Variants in CTBP2 observed in about 807,000 individuals in gnomAD.
The protein encoded by CTBP2 is C-terminal-binding protein 2.
A neutral mutation model predicts 80.3 loss-of-function variants in CTBP2; 30 were observed. That is an observed-to-expected ratio of 0.37 (90% CI 0.28 to 0.51). The LOEUF (loss-of-function observed/expected upper bound fraction) is 0.51. Among genes scored for constraint, CTBP2 ranks in the 20% least tolerant of loss-of-function variants. The probability of loss-of-function intolerance (pLI) is 0.93; values close to 1 mark genes in which losing one functional copy is unlikely to be tolerated. For missense variants in CTBP2, 1,212 were observed against 1,375.3 expected, an observed-to-expected ratio of 0.88 and a Z score of 1.88; for synonymous variants, 594 against 587.4, an observed-to-expected ratio of 1.01 and a Z score of -0.16.
intron 2 of CTBP2, among the ~76,000 whole-genome samples, chr10:125,040,490 C>G (rs1959361316): frequency 7.1e-6 from 1 of 140,272 alleles, no homozygotes; most frequent in Admixed American, 7.2e-5. Context: ...TGGCTTGAAT[C>G]TCAACTGGGA....
intron 1 of CTBP2, among the ~76,000 whole-genome samples, chr10:125,151,479 T>C: frequency 6.6e-6 from 1 of 152,152 alleles, no homozygotes; most frequent in East Asian, 1.9e-4. Context: ...TCGAAGGTTA[T>C]CCAAGAACCG....
At position 125,056,178 on chromosome 10, in the gene CTBP2, AT is replaced by A. The variant is rs1387954839; in HGVS notation, c.-101-17024del. Among the ~76,000 whole-genome samples the A allele has an allele frequency of 2.5e-3, 363 of 146,390 alleles. 3 individuals carry two copies. Among genetic ancestry groups the A allele is most frequent in the African/African-American group, 9.0e-3 (339 of 37,820 alleles). ...AGATTGTGTCTCAAAAATAAAAATAATAATAATAATAATAATAGTAATAATA... is the reference window on the plus strand; with the variant it reads ...AGATTGTGTCTCAAAAATAAAAATAAAATAATAATAATAATAGTAATAATA... On this transcript the variant is annotated intron_variant, in intron 2 of 10. Coordinates refer to the CTBP2 transcript ENST00000337195.
At chr10:125,143,299 C>A (rs1307481176) in intron 1 of CTBP2, among the ~76,000 whole-genome samples, 1 of 152,138 alleles carries the variant, frequency 6.6e-6, no homozygotes, top group African/African-American at 2.4e-5. Flanking sequence ...ACCAGCCTGA[C>A]CAACATGGTG....
At chr10:125,004,846 G>A (rs189874466) in intron 1 of CTBP2, among the ~76,000 whole-genome samples, 15 of 152,314 alleles carry the variant, frequency 9.8e-5, no homozygotes, top group Admixed American at 2.0e-4. Flanking sequence ...CAAGGCAGCA[G>A]GCTCAGGGTC....
intron 2 of CTBP2, among the ~76,000 whole-genome samples, chr10:125,060,590 G>A (rs1051956178): frequency 3.9e-5 from 6 of 152,094 alleles, no homozygotes; most frequent in Admixed American, 6.5e-5. Flanking sequence ...GAATGGCAAT[G>A]CTCATCCCCA....
At chr10:125,021,385 G>A (rs931249305) in intron 1 of CTBP2, among the ~76,000 whole-genome samples, 7 of 152,262 alleles carry the variant, frequency 4.6e-5, no homozygotes, top group Admixed American at 2.6e-4. Context: ...TTCGGGCCAT[G>A]CATTCAACTA....
intron 2 of CTBP2, among the ~76,000 whole-genome samples, chr10:125,041,360 G>C (rs1429131444): frequency 1.3e-5 from 2 of 152,212 alleles, no homozygotes; most frequent in African/African-American, 4.8e-5. Context: ...TGGGATTACA[G>C]GTGTGAGCCA....
intron 2 of CTBP2, among the ~76,000 whole-genome samples, chr10:125,097,065 T>A (rs1410895838): frequency 6.6e-6 from 1 of 152,252 alleles, no homozygotes; most frequent in African/African-American, 2.4e-5. Context: ...TATATTACCA[T>A]AAGCTGGCAC....
chr10:125,094,525 C>T (rs1255513474), intron 2 of CTBP2, among the ~76,000 whole-genome samples: 1 of 152,208 alleles, frequency 6.6e-6, no homozygotes, highest in African/African-American at 2.4e-5. Context: ...CCGTGCCAAG[C>T]ACGGTATGGC....
At chr10:125,143,368 C>T (rs1229166694) in intron 1 of CTBP2, among the ~76,000 whole-genome samples, 2 of 152,160 alleles carry the variant, frequency 1.3e-5, no homozygotes, top group Non-Finnish European at 2.9e-5. Flanking sequence ...ATCCCACCTA[C>T]TCAGGAGGCT....
intron 2 of CTBP2, among the ~76,000 whole-genome samples, chr10:125,071,643 G>C (rs1845498781): frequency 6.6e-6 from 1 of 152,174 alleles, no homozygotes; most frequent in South Asian, 2.1e-4. Context: ...GCCAGGTTTT[G>C]AAGAGCTTTT....
chr10:125,039,630 C>T (rs1169593468), intron 2 of CTBP2, among the ~76,000 whole-genome samples: 2 of 152,202 alleles, frequency 1.3e-5, no homozygotes, highest in African/African-American at 2.4e-5. Context: ...CCAAAACAGC[C>T]GCGCAGGGGT....
At chr10:125,139,845 T>A (rs1041885727) in intron 1 of CTBP2, among the ~76,000 whole-genome samples, 5 of 152,096 alleles carry the variant, frequency 3.3e-5, no homozygotes, top group African/African-American at 9.7e-5. Context: ...CAGCTGCACA[T>A]CACAGAGCAC....
chr10:125,067,291 G>T (rs1426607618), intron 2 of CTBP2, among the ~76,000 whole-genome samples: 1 of 152,084 alleles, frequency 6.6e-6, no homozygotes, highest in Non-Finnish European at 1.5e-5. Flanking sequence ...CGCCATGTGG[G>T]GCCTAAGGAG....
intron 2 of CTBP2, among the ~76,000 whole-genome samples, chr10:125,070,401 A>G (rs1845289339): frequency 6.6e-6 from 1 of 151,850 alleles, no homozygotes; most frequent in Non-Finnish European, 1.5e-5. Context: ...GATGTTAATT[A>G]TAGGGAAAGG....
chr10:125,018,011 A>C (rs114915306), intron 1 of CTBP2, among the ~76,000 whole-genome samples: 2,851 of 152,270 alleles, frequency 0.019, 93 homozygotes, highest in African/African-American at 0.061. Context: ...TCTTGCTGAC[A>C]CAGACCTTGG....
At chr10:125,017,489 C>T (rs1021998625) in intron 1 of CTBP2, among the ~76,000 whole-genome samples, 4 of 152,186 alleles carry the variant, frequency 2.6e-5, no homozygotes, top group Admixed American at 6.5e-5. Context: ...TGCTGTGTTC[C>T]GGCCCTACCA....
At chr10:125,084,688 C>T (rs1847714501) in intron 2 of CTBP2, among the ~76,000 whole-genome samples, 1 of 152,166 alleles carries the variant, frequency 6.6e-6, no homozygotes, top group African/African-American at 2.4e-5. Flanking sequence ...CGTTCTGTGT[C>T]CCCTGGCAGA....
At chr10:125,036,084 T>A (rs1033636579) in intron 3 of CTBP2, among the ~76,000 whole-genome samples, 3 of 152,338 alleles carry the variant, frequency 2.0e-5, no homozygotes, top group African/African-American at 7.2e-5. Flanking sequence ...CCAAAGACTG[T>A]CTGTGTCCTG....
Sources: allele counts gnomAD v4.1 joint callset (sites outside exome capture counted in the v4.1 genomes callset), GRCh38; gene constraint gnomAD v4.1.1; transcripts MANE v1.5; gene names NCBI Gene and HGNC (gene_info 2026-07-23, HGNC 2026-07-21).